The following ASF1B variants were observed in gnomAD, a reference collection of about 807,000 sequenced individuals.
The protein encoded by ASF1B is anti-silencing function 1B histone chaperone.
A neutral mutation model predicts 16.6 loss-of-function variants in ASF1B; 10 were observed. The ratio of observed to expected loss-of-function variants is 0.60; its 90% CI spans 0.37 to 1.02. The LOEUF (loss-of-function observed/expected upper bound fraction) is 1.02, where lower values mean the gene tolerates loss of function less well. Ranked by LOEUF, ASF1B falls within the 50% of genes least tolerant of loss-of-function variation. The pLI is 0.01. For synonymous variants in ASF1B, 101 were observed against 106.2 expected (o/e 0.95, Z 0.30); for missense variants, 240 against 266.0 (o/e 0.90, Z 0.68).
intron 1 of ASF1B, among the ~76,000 whole-genome samples, chr19:14,127,475 G>C (rs112456210): frequency 5.5e-4 from 84 of 152,176 alleles, no homozygotes; most frequent in Non-Finnish European, 1.0e-3. Flanking sequence ...ACTGGGGCAG[G>C]GTGGCAGATT....
chr19:14,135,679 A>G (rs2144523288), intron 1 of ASF1B, among the ~76,000 whole-genome samples: 1 of 151,908 alleles, frequency 6.6e-6, no homozygotes, highest in Admixed American at 6.6e-5. Context: ...ACTGGAGGGG[A>G]GGGTCTTCAC....
At chr19:14,133,965 G>T (rs938043107) in intron 1 of ASF1B, among the ~76,000 whole-genome samples, 7 of 151,728 alleles carry the variant, frequency 4.6e-5, no homozygotes, top group Admixed American at 4.6e-4. Flanking sequence ...CACCACGCCC[G>T]GCTAATTTTT....
intron 1 of ASF1B, 55 bp from the exon 2 acceptor site, chr19:14,126,292 G>T: frequency 7.6e-7 from 1 of 1,309,716 alleles, no homozygotes; most frequent in Non-Finnish European, 1.1e-6. Context: ...CAAGAAGGCA[G>T]GGATAGGCTC....
rs1967206883 is a variant in ASF1B, at chr19:14,119,832, T to G, written c.*627A>C. 1 of 152,476 alleles carries G rather than the reference T, an allele frequency of 6.6e-6. No individual in the cohort carries two copies. Among genetic ancestry groups the G allele is most frequent in the Non-Finnish European group, 1.5e-5 (1 of 68,114 alleles). The allele number at this position is 152,476 out of a possible 1,614,324, so 9.4% of individuals were successfully genotyped here. On this transcript the variant is annotated 3_prime_UTR_variant, in exon 4 of 4. Transcript: ENST00000263382. ...AGCCTCCAGGAAAAGCCAGATCCATTTAGGAGATAACAGGAAGGTGGCTGT... is the reference window on the plus strand; with the variant it reads ...AGCCTCCAGGAAAAGCCAGATCCATGTAGGAGATAACAGGAAGGTGGCTGT...
intron 2 of ASF1B, among the ~76,000 whole-genome samples, chr19:14,125,445 A>T (rs1359606118): frequency 1.3e-5 from 2 of 152,240 alleles, no homozygotes; most frequent in Non-Finnish European, 2.9e-5. Context: ...ATTGCCTGTA[A>T]ATCAGTGGCA....
At position 14,126,198 on chromosome 19, in the gene ASF1B, C is replaced by G; in HGVS notation, c.149G>C (p.Ser50Thr). ...WKIIYVGSAE[S>T]EEFDQILDSV... ...GTCTAGGATCTGATCAAATTCCTCACTCTCAGCCGAGCCAACATAAATGAT... is the reference window on the plus strand; with the variant it reads ...GTCTAGGATCTGATCAAATTCCTCAGTCTCAGCCGAGCCAACATAAATGAT... The change falls in exon 2 of 4, where the codon AGT (serine) becomes ACT (threonine). Residue 50 changes from serine to threonine, a missense_variant. By Grantham distance (58) the Ser-to-Thr change is moderately conservative. Coordinates refer to ENST00000263382, the MANE Select transcript of ASF1B (RefSeq NM_018154.3). The G allele has an allele frequency of 1.2e-6, 2 of 1,613,674 alleles. No individual in the cohort carries two copies. Among genetic ancestry groups the G allele is most frequent in the Non-Finnish European group, 1.7e-6 (2 of 1,179,984 alleles).
chr19:14,132,860 G>A (rs796611058), intron 1 of ASF1B, among the ~76,000 whole-genome samples: 14 of 151,538 alleles, frequency 9.2e-5, no homozygotes, highest in African/African-American at 3.1e-4. Flanking sequence ...CGACGGGCAC[G>A]GTGGCTCACG....
chr19:14,131,352 T>C (rs556179248), intron 1 of ASF1B, among the ~76,000 whole-genome samples: 2 of 151,040 alleles, frequency 1.3e-5, no homozygotes, highest in East Asian at 3.9e-4. Context: ...GCCTGGCTAA[T>C]TTTTGTATTT....
chr19:14,121,516 T>C lies in ASF1B; in HGVS notation c.402+16A>G, dbSNP rs1204000666. The C allele has an allele frequency of 6.2e-7, 1 of 1,609,714 alleles. No homozygotes were observed. The highest frequency in any genetic ancestry group is 1.1e-5 in the South Asian group (1 of 90,650). ...GAACGGCCTTGTGGGAAGCAGGAAG[T>C]GGAAACAGGCCCCACCTGGGAGAAA... On this transcript the variant is annotated intron_variant, in intron 3 of 3. Transcript: ENST00000263382.
chr19:14,123,378 CTTTTTT>C lies in ASF1B; in HGVS notation c.226-1676_226-1671del, dbSNP rs74181857. 2.7e-4 allele frequency among the ~76,000 whole-genome samples: 32 copies of C among 119,822 alleles called. No individual in the cohort carries two copies. The Admixed American group carries it at 2.8e-3, about 11-fold the overall frequency. The allele number at this position is 119,822 out of a possible 152,430, so 78.6% of individuals were successfully genotyped here. A position where few individuals can be genotyped will look rare whatever the true frequency, so the allele number is the denominator to read the frequency against. On this transcript the variant is annotated intron_variant, in intron 2 of 3. Transcript: ENST00000263382. ...AATCTCCATTTGTTTTTTCTTTCTTCTTTTTTTTTTTTTTTTTTTTTGAGATGGAGT... is the reference window on the plus strand; with the variant it reads ...AATCTCCATTTGTTTTTTCTTTCTTCTTTTTTTTTTTTTTTGAGATGGAGT...
At position 14,121,707 on chromosome 19, in the gene ASF1B, G is replaced by A. The variant is rs762496872; in HGVS notation, c.227C>T (p.Ala76Val). Residue 76 changes from alanine to valine, a missense_variant and splice_region_variant, in exon 3 of 4, where the codon GCC (alanine) becomes GTC (valine). Transcript: ENST00000263382. ...GATGAGGGATGGGTTGGGGGCGTCG[G>A]CCTAGGGGAGACACATCCTAGGCCT... ...PAGRHMFVFQ[A>V]DAPNPSLIPE... 39 of 1,612,756 alleles carry A rather than the reference G, an allele frequency of 2.4e-5. No individual in the cohort carries two copies. In the South Asian group the frequency reaches 4.1e-4, roughly 17 times the overall value.
Position 14,120,542 on chromosome 19 carries a change from G to T in ASF1B, c.526C>A (p.Leu176Ile). ...QDPSLGCGLP[L>I]NCTPIKGLGL... ...AAGCCCTTGATAGGAGTGCAGTTGA[G>T]TGGGAGGCCGCAGCCCAGGGAGGGG... Residue 176 changes from leucine (L) to isoleucine (I), a missense_variant, in exon 4 of 4, where the codon CTC becomes ATC. By Grantham distance (5) the Leu-to-Ile change is conservative. Coordinates refer to ENST00000263382, the MANE Select transcript of ASF1B (RefSeq NM_018154.3). 6 of 1,613,642 alleles carry T rather than the reference G, an allele frequency of 3.7e-6. No individual in the cohort carries two copies. Among genetic ancestry groups the T allele is most frequent in the Non-Finnish European group, 5.1e-6 (6 of 1,179,724 alleles).
At chr19:14,124,682 C>T (rs949011985) in intron 2 of ASF1B, among the ~76,000 whole-genome samples, 5 of 152,180 alleles carry the variant, frequency 3.3e-5, no homozygotes, top group African/African-American at 1.2e-4. Context: ...CACGCCTGTT[C>T]CCACCTGAGG....
chr19:14,121,993 C>T (rs142654398), intron 2 of ASF1B, among the ~76,000 whole-genome samples: 100 of 150,780 alleles, frequency 6.6e-4, no homozygotes, highest in African/African-American at 2.4e-3. Flanking sequence ...TGCAATGGTG[C>T]GATCTCGGCT....
intron 1 of ASF1B, among the ~76,000 whole-genome samples, chr19:14,129,415 A>T: frequency 6.6e-6 from 1 of 152,090 alleles, no homozygotes; most frequent in African/African-American, 2.4e-5. Flanking sequence ...GGCAGCTCAC[A>T]CCTGTAATCC....
At position 14,136,390 on chromosome 19, in the gene ASF1B, G is replaced by T; in HGVS notation, c.67C>A (p.Arg23=). The change falls in exon 1 of 4, where the codon CGG becomes AGG. Residue 23 remains arginine, a synonymous_variant. Transcript: ENST00000263382. ...CTGCACTCGAAGCTGATCTCGAACC[G>T]GAAGGGGCTGTGGAAAGGGCTCGGG... ...ENPSPFHSPF[R]FEISFECSEA... 1 of 1,613,744 alleles carries T rather than the reference G, an allele frequency of 6.2e-7. No individual in the cohort carries two copies. The highest frequency in any genetic ancestry group is 8.5e-7 in the Non-Finnish European group (1 of 1,179,708).
intron 1 of ASF1B, among the ~76,000 whole-genome samples, chr19:14,126,853 C>T (rs952393176): frequency 1.3e-5 from 2 of 152,152 alleles, no homozygotes; most frequent in African/African-American, 2.4e-5. Context: ...GTGATCTGCC[C>T]GCCTCAGCCT....
intron 1 of ASF1B, among the ~76,000 whole-genome samples, chr19:14,134,873 G>C (rs199567990): frequency 2.0e-5 from 3 of 151,778 alleles, no homozygotes; most frequent in African/African-American, 4.8e-5. Context: ...CCCAGACTAG[G>C]TCAGACCATC....
At chr19:14,127,018 C>T (rs1161808998) in intron 1 of ASF1B, among the ~76,000 whole-genome samples, 1 of 152,212 alleles carries the variant, frequency 6.6e-6, no homozygotes, top group African/African-American at 2.4e-5. Flanking sequence ...ACCTCCTGGG[C>T]TCAAGCGATC....
Sources: allele counts gnomAD v4.1 joint callset (sites outside exome capture counted in the v4.1 genomes callset), GRCh38; gene constraint gnomAD v4.1.1; transcripts MANE v1.5; gene names NCBI Gene and HGNC (gene_info 2026-07-23, HGNC 2026-07-21).